CDH2: variants seen among roughly 807,000 people sequenced by gnomAD.
CDH2 encodes the protein cadherin-2.
In CDH2, 17 loss-of-function variants were observed where a neutral mutation model predicts 92.0. That is an observed-to-expected ratio of 0.18 (90% confidence interval 0.13 to 0.28). The LOEUF (loss-of-function observed/expected upper bound fraction) is 0.28, where lower values mean the gene tolerates loss of function less well. Ranked by LOEUF, CDH2 falls within the 10% of genes least tolerant of loss-of-function variation. The probability of loss-of-function intolerance (pLI) is 1.00; values close to 1 mark genes in which losing one functional copy is unlikely to be tolerated. For missense variants in CDH2, 862 were observed against 1,133.1 expected (o/e 0.76, Z 3.44); for synonymous variants, 419 against 415.9 (o/e 1.01, Z -0.09).
At chr18:28,114,802 A>G (rs2015469088) in intron 2 of CDH2, among the ~76,000 whole-genome samples, 1 of 152,084 alleles carries the variant, frequency 6.6e-6, no homozygotes, top group Non-Finnish European at 1.5e-5. Context: ...CCTTAGGCAC[A>G]CTACAACCTT....
At chr18:28,105,115 T>C (rs951379947) in intron 2 of CDH2, among the ~76,000 whole-genome samples, 2 of 152,160 alleles carry the variant, frequency 1.3e-5, no homozygotes, top group Admixed American at 6.5e-5. Flanking sequence ...TTTCCGGAAC[T>C]CATTTCCTTC....
intron 6 of CDH2, among the ~76,000 whole-genome samples, chr18:28,004,413 A>G (rs2144013910): frequency 6.6e-6 from 1 of 152,342 alleles, no homozygotes; most frequent in East Asian, 1.9e-4. Flanking sequence ...AATCTTGCCT[A>G]GAAGGATGTT....
intron 2 of CDH2, among the ~76,000 whole-genome samples, chr18:28,025,658 G>A (rs2013533049): frequency 6.6e-6 from 1 of 151,436 alleles, no homozygotes; most frequent in African/African-American, 2.4e-5. Flanking sequence ...GGTACAGTGT[G>A]GTGTTTTGAT....
chr18:28,067,429 C>G (rs545337844), intron 2 of CDH2, among the ~76,000 whole-genome samples: 1 of 152,242 alleles, frequency 6.6e-6, no homozygotes, highest in African/African-American at 2.4e-5. Flanking sequence ...TACTAATCTA[C>G]CTTCTGTCTC....
intron 11 of CDH2, among the ~76,000 whole-genome samples, chr18:27,986,022 G>A (rs540451299): frequency 1.3e-4 from 20 of 152,054 alleles, no homozygotes; most frequent in Non-Finnish European, 1.8e-4. Context: ...ATGGAATCCC[G>A]TACCCTCCCT....
chr18:28,139,477 A>T (rs1395170067), intron 2 of CDH2, among the ~76,000 whole-genome samples: 1 of 152,018 alleles, frequency 6.6e-6, no homozygotes, highest in Non-Finnish European at 1.5e-5. Flanking sequence ...CTGACTGTTG[A>T]ACACACTCAA....
intron 5 of CDH2, among the ~76,000 whole-genome samples, chr18:28,008,037 A>G (rs532796212): frequency 6.6e-6 from 1 of 152,254 alleles, no homozygotes; most frequent in African/African-American, 2.4e-5. Context: ...CCCGACTGGT[A>G]TTGCTCTTTT....
intron 2 of CDH2, among the ~76,000 whole-genome samples, chr18:28,092,032 A>G (rs570873090): frequency 2.6e-5 from 4 of 151,942 alleles, no homozygotes; most frequent in Non-Finnish European, 5.9e-5. Flanking sequence ...GTGTCCTAAG[A>G]ACACCAATGA....
chr18:28,081,998 T>C (rs2014840336), intron 2 of CDH2, among the ~76,000 whole-genome samples: 1 of 152,320 alleles, frequency 6.6e-6, no homozygotes, highest in Admixed American at 6.5e-5. Flanking sequence ...AGTCACATAA[T>C]AAGTCCAAGC....
At chr18:27,967,887 CAATAA>C (rs1409108578) in intron 14 of CDH2, among the ~76,000 whole-genome samples, 4 of 152,062 alleles carry the variant, frequency 2.6e-5, no homozygotes, top group African/African-American at 9.7e-5. Context: ...GGTTATGCTA[CAATAA>C]AATAAAATGT....
At chr18:28,144,778 T>A (rs903789368) in intron 2 of CDH2, among the ~76,000 whole-genome samples, 5 of 152,082 alleles carry the variant, frequency 3.3e-5, no homozygotes, top group Admixed American at 1.3e-4. Flanking sequence ...TGATATTACA[T>A]TAAATGTTAA....
At chr18:28,175,524 G>A (rs978690653) in intron 1 of CDH2, among the ~76,000 whole-genome samples, 2 of 151,308 alleles carry the variant, frequency 1.3e-5, no homozygotes, top group Admixed American at 6.5e-5. Flanking sequence ...ACAGGGCTCC[G>A]CGCGGCGGCG....
intron 1 of CDH2, chr18:28,168,748 CAA>C (rs2016421473): frequency 6.5e-6 from 1 of 153,870 alleles, no homozygotes. Context: ...CTTCAGATGC[CAA>C]AAGAAAGCAA....
chr18:28,023,813 T>G (rs1430710640), intron 2 of CDH2, among the ~76,000 whole-genome samples: 1 of 152,178 alleles, frequency 6.6e-6, no homozygotes, highest in Non-Finnish European at 1.5e-5. Flanking sequence ...TCTATTTGAT[T>G]AACGTTGTCA....
chr18:28,112,346 T>C (rs1164480780), intron 2 of CDH2, among the ~76,000 whole-genome samples: 2 of 152,188 alleles, frequency 1.3e-5, no homozygotes, highest in Non-Finnish European at 2.9e-5. Flanking sequence ...AGTGATGTCT[T>C]GCCCACAGAA....
intron 2 of CDH2, among the ~76,000 whole-genome samples, chr18:28,066,402 A>G (rs1391721926): frequency 6.6e-6 from 1 of 152,160 alleles, no homozygotes; most frequent in Non-Finnish European, 1.5e-5. Flanking sequence ...CTTTAGCACA[A>G]GAGTTCGAAC....
At chr18:28,175,008 C>T (rs1478886924) in intron 1 of CDH2, among the ~76,000 whole-genome samples, 2 of 152,126 alleles carry the variant, frequency 1.3e-5, no homozygotes, top group East Asian at 3.8e-4. Context: ...TTTGTCTTGC[C>T]TTCCATTTAA....
At chr18:27,972,946 A>T (rs2011705633) in intron 14 of CDH2, among the ~76,000 whole-genome samples, 1 of 152,186 alleles carries the variant, frequency 6.6e-6, no homozygotes, top group Admixed American at 6.5e-5. Flanking sequence ...GCTAAACAGA[A>T]TTAGGTGAAG....
intron 1 of CDH2, among the ~76,000 whole-genome samples, chr18:28,151,504 A>T (rs541360723): frequency 7.2e-5 from 11 of 152,346 alleles, no homozygotes; most frequent in Middle Eastern, 6.8e-3. Context: ...CCTGTTCTAC[A>T]GCAACACATG....
Sources: allele counts gnomAD v4.1 joint callset (sites outside exome capture counted in the v4.1 genomes callset), GRCh38; gene constraint gnomAD v4.1.1; transcripts MANE v1.5; gene names NCBI Gene and HGNC (gene_info 2026-07-23, HGNC 2026-07-21).